WASHC4: variants seen among roughly 807,000 people sequenced by gnomAD.
The protein encoded by WASHC4 is WASH complex subunit 7.
WASHC4 carries 86 observed loss-of-function variants against 166.6 expected under a neutral mutation model. That is an observed-to-expected ratio of 0.52 (90% CI 0.43 to 0.62). The LOEUF is 0.62. Among genes scored for constraint, WASHC4 ranks in the 20% least tolerant of loss-of-function variants. The probability of loss-of-function intolerance (pLI) is 0.00; values close to 1 mark genes in which losing one functional copy is unlikely to be tolerated. For missense variants in WASHC4, 1,262 were observed against 1,382.4 expected (o/e 0.91, Z 1.38); for synonymous variants, 446 against 451.6 (o/e 0.99, Z 0.16).
chr12:105,138,071 A>C (rs1007891169), intron 15 of WASHC4, 60 bp downstream of exon 15: 6 of 1,548,920 alleles, frequency 3.9e-6, no homozygotes, highest in East Asian at 4.5e-5. Flanking sequence ...GGCTTAAATT[A>C]GGATAATCTT....
rs1884888500 is a variant in WASHC4, at chr12:105,167,841, T to C, written c.*910T>C. On this transcript the variant is annotated 3_prime_UTR_variant, in exon 33 of 33. Transcript: ENST00000332180. ...AAAACATCAGATTAAATAATTACAC[T>C]GTTCAGGCTTTTAAAAAAATACCAC... The C allele has an allele frequency of 6.6e-6, 1 of 152,534 alleles. No individual in the cohort carries two copies. The allele number at this position is 152,534 out of a possible 1,614,324, so 9.4% of individuals were successfully genotyped here.
Position 105,144,274 on chromosome 12 carries a change from C to G in WASHC4, c.2011-13C>G. On this transcript the variant is annotated splice_polypyrimidine_tract_variant and intron_variant, in intron 20 of 32. Coordinates refer to ENST00000332180, the MANE Select transcript of WASHC4 (RefSeq NM_015275.3). ...ATTTTGAAAAATTAAAGTATCAAAT[C>G]TTTTGTGAATAGCATTTGCTGGACA... 6.2e-7 allele frequency: 1 copy of G among 1,606,578 alleles called. No homozygotes were observed. The highest frequency in any genetic ancestry group is 2.2e-5 in the East Asian group (1 of 44,782).
rs1324533815 is a variant in WASHC4, at chr12:105,115,146, A to C, written c.322-38A>C. 4.4e-6 allele frequency: 5 copies of C among 1,132,316 alleles called. No homozygotes were observed. In the East Asian group the frequency reaches 7.3e-5, roughly 17 times the overall value. 70.1% of individuals were successfully genotyped at this position (1,132,316 alleles called of 1,614,324 possible). On this transcript the variant is annotated intron_variant, in intron 4 of 32. Coordinates refer to ENST00000332180, the MANE Select transcript of WASHC4 (RefSeq NM_015275.3). ...GAGCATAGGAATTTGGAAACAAAAC[A>C]ACCTTTAAAATTATTTTAATTTTTT...
intron 14 of WASHC4, among the ~76,000 whole-genome samples, chr12:105,134,347 A>G (rs548173544): frequency 8.5e-5 from 13 of 152,212 alleles, no homozygotes; most frequent in South Asian, 6.2e-4. Context: ...AAAAGAATGT[A>G]TAATTTGTAT....
Position 105,107,851 on chromosome 12 carries a change from C to A in WASHC4, c.51C>A (p.Asp17Glu). 6.5e-7 allele frequency: 1 copy of A among 1,550,034 alleles called. No individual in the cohort carries two copies. The highest frequency in any genetic ancestry group is 1.4e-5 in the African/African-American group (1 of 73,120). ...ACTGGGAGTTTGACCGCGTTGACGA[C>A]GGCTCGCAGAGTAAGGGAGCTGCAG... ...SPDWEFDRVD[D>E]GSQKIHAEVQ... Residue 17 changes from aspartate to glutamate, a missense_variant, in exon 1 of 33, where the codon GAC becomes GAA. Physicochemically the swap from Asp to Glu is conservative, Grantham distance 45 (BLOSUM62 2). Transcript: ENST00000332180.
At chr12:105,159,838 CATGAGAAA>C (rs1359782484) in intron 28 of WASHC4, among the ~76,000 whole-genome samples, 155 bp from the exon 29 acceptor site, 7 of 152,142 alleles carry the variant, frequency 4.6e-5, no homozygotes, top group African/African-American at 1.4e-4. Flanking sequence ...GTTTTCTGTC[CATGAGAAA>C]ATAAGTTTAT....
At chr12:105,145,215 G>A (rs1340757493) in intron 22 of WASHC4, among the ~76,000 whole-genome samples, 1 of 151,782 alleles carries the variant, frequency 6.6e-6, no homozygotes, top group Non-Finnish European at 1.5e-5. Flanking sequence ...AGGATTTTAA[G>A]CCTGGTTATA....
chr12:105,144,980 A>G (rs11112386), intron 22 of WASHC4, 108 bp downstream of exon 22: 118,038 of 1,094,654 alleles, frequency 0.11, 7,301 homozygotes, highest in East Asian at 0.25. Context: ...CTTATTTTTT[A>G]AGAAATTATT....
At chr12:105,134,077 A>G (rs755858660) in intron 14 of WASHC4, among the ~76,000 whole-genome samples, 181 bp downstream of exon 14, 8 of 152,252 alleles carry the variant, frequency 5.3e-5, no homozygotes, top group Non-Finnish European at 7.4e-5. Flanking sequence ...TCAAAGCTCT[A>G]TATTCCTTTA....
At chr12:105,125,052 C>T (rs368356889) in intron 10 of WASHC4, among the ~76,000 whole-genome samples, 6 of 152,104 alleles carry the variant, frequency 3.9e-5, no homozygotes, top group African/African-American at 7.2e-5. Context: ...TGTTGGAGAG[C>T]GCTGCTTTAA....
At chr12:105,122,747 T>C (rs1880885731) in intron 10 of WASHC4, among the ~76,000 whole-genome samples, 1 of 152,162 alleles carries the variant, frequency 6.6e-6, no homozygotes, top group South Asian at 2.1e-4. Flanking sequence ...GATGTTACTA[T>C]TGTAATTGTT....
intron 31 of WASHC4, 86 bp downstream of exon 31, chr12:105,164,393 T>C: frequency 3.4e-6 from 4 of 1,174,542 alleles, no homozygotes; most frequent in Non-Finnish European, 5.0e-6. Context: ...AGAAGCCATA[T>C]AGAAACTACC....
At position 105,156,530 on chromosome 12, in the gene WASHC4, G is replaced by A. The variant is rs1884172913; in HGVS notation, c.2759-196G>A. On this transcript the variant is annotated intron_variant, in intron 26 of 32. Transcript: ENST00000332180. ...AAATATTTAATATAGTTATATATAA[G>A]TATGTATGTTTATATTTTAAGTGTA... The A allele has an allele frequency of 1.3e-5, 5 of 390,874 alleles. No homozygotes were observed. In the East Asian group the frequency reaches 2.2e-4, roughly 17 times the overall value. The allele number at this position is 390,874 out of a possible 1,614,324, so 24.2% of individuals were successfully genotyped here. A position where few individuals can be genotyped will look rare whatever the true frequency, so the allele number is the denominator to read the frequency against.
chr12:105,141,493 C>G (rs1233572852), intron 18 of WASHC4, among the ~76,000 whole-genome samples: 1 of 152,226 alleles, frequency 6.6e-6, no homozygotes, highest in Non-Finnish European at 1.5e-5. Context: ...CTCAGAGCAT[C>G]TGGCCGACTT....
chr12:105,107,742 T>C lies in WASHC4; in HGVS notation c.-59T>C, dbSNP rs553321532. On this transcript the variant is annotated 5_prime_UTR_variant, in exon 1 of 33. Transcript: ENST00000332180. ...TCACGTGCTGTGACAGTAGCTGGGG[T>C]GAGGCCGTCGTCGCCGCACGGGCTG... 1.1e-4 allele frequency: 140 copies of C among 1,277,158 alleles called. 1 individual carries two copies. The South Asian group carries it at 1.7e-3, about 16-fold the overall frequency. The allele number at this position is 1,277,158 out of a possible 1,614,324, so 79.1% of individuals were successfully genotyped here. A position where few individuals can be genotyped will look rare whatever the true frequency, so the allele number is the denominator to read the frequency against.
At chr12:105,132,211 C>G (rs544085543) in intron 13 of WASHC4, among the ~76,000 whole-genome samples, 3 of 152,238 alleles carry the variant, frequency 2.0e-5, no homozygotes, top group Non-Finnish European at 4.4e-5. Context: ...CTCTGTCGCC[C>G]AGGCTGGAGT....
intron 26 of WASHC4, among the ~76,000 whole-genome samples, chr12:105,153,870 C>G (rs1883953682): frequency 6.6e-6 from 1 of 151,976 alleles, no homozygotes; most frequent in African/African-American, 2.4e-5. Context: ...CCTTAAAATG[C>G]TAGTCATTTT....
intron 29 of WASHC4, among the ~76,000 whole-genome samples, chr12:105,161,572 G>C (rs1330300578): frequency 6.6e-6 from 1 of 152,164 alleles, no homozygotes; most frequent in Non-Finnish European, 1.5e-5. Context: ...TAGTGATGGA[G>C]AAAACAAAGT....
chr12:105,112,089 C>A (rs1343204125), intron 2 of WASHC4, among the ~76,000 whole-genome samples: 1 of 38,874 alleles, frequency 2.6e-5, no homozygotes, highest in African/African-American at 7.2e-5. Context: ...AACCACCAGT[C>A]AATCTACTTT....
Sources: allele counts gnomAD v4.1 joint callset (sites outside exome capture counted in the v4.1 genomes callset), GRCh38; gene constraint gnomAD v4.1.1; transcripts MANE v1.5; gene names NCBI Gene and HGNC (gene_info 2026-07-23, HGNC 2026-07-21).